The following IQGAP2 variants were observed in gnomAD, a reference collection of about 807,000 sequenced individuals.
IQGAP2 encodes the protein ras GTPase-activating-like protein IQGAP2.
In IQGAP2, 173 loss-of-function variants were observed where a neutral mutation model predicts 201.3. That is an observed-to-expected ratio of 0.86 (90% CI 0.76 to 0.98). The LOEUF (loss-of-function observed/expected upper bound fraction) is 0.98. Among genes scored for constraint, IQGAP2 ranks in the 50% least tolerant of loss-of-function variants. The probability of loss-of-function intolerance (pLI) is 0.00; values close to 1 mark genes in which losing one functional copy is unlikely to be tolerated. For synonymous variants in IQGAP2, 675 were observed against 673.9 expected (o/e 1.00, Z -0.03); for missense variants, 1,687 against 1,864.8 (o/e 0.90, Z 1.76).
chr5:76,570,504 T>C, intron 3 of IQGAP2, 76 bp from the exon 4 acceptor site: 2 of 947,482 alleles, frequency 2.1e-6, no homozygotes, highest in Non-Finnish European at 3.5e-6. Flanking sequence ...ATCCTGTACA[T>C]GAAAAAAGTT....
chr5:76,645,578 A>T lies in IQGAP2; in HGVS notation c.2094+4475A>T, dbSNP rs2059218. 4.4e-3 allele frequency among the ~76,000 whole-genome samples: 674 copies of T among 152,152 alleles called. 25 individuals are homozygous for T. The East Asian group carries it at 0.11, about 25-fold the overall frequency. On this transcript the variant is annotated intron_variant, in intron 17 of 35. Coordinates refer to ENST00000274364, the MANE Select transcript of IQGAP2 (RefSeq NM_006633.5). ...GAGATGGTATCTCATTGTGATTTTG[A>T]TTTGTATTTCTCTGATGACCAGTGA...
chr5:76,441,450 G>A (rs753637644), intron 1 of IQGAP2: 24 of 974,238 alleles, frequency 2.5e-5, no homozygotes, highest in African/African-American at 1.1e-4. Context: ...TCTAAGTCAC[G>A]GGATATGAGA....
chr5:76,504,410 C>T (rs1221267434), intron 2 of IQGAP2, among the ~76,000 whole-genome samples: 1 of 152,160 alleles, frequency 6.6e-6, no homozygotes, highest in African/African-American at 2.4e-5. Context: ...TACTATTTTA[C>T]TGCCACTCTC....
chr5:76,513,485 A>C (rs1330631917), intron 2 of IQGAP2, among the ~76,000 whole-genome samples: 4 of 152,242 alleles, frequency 2.6e-5, no homozygotes, highest in African/African-American at 9.6e-5. Context: ...AGAATTCCTT[A>C]TAAAACACAC....
intron 1 of IQGAP2, among the ~76,000 whole-genome samples, chr5:76,450,646 G>A (rs868547877): frequency 5.3e-5 from 8 of 152,248 alleles, no homozygotes; most frequent in Middle Eastern, 3.4e-3. Flanking sequence ...AGCATGTTTG[G>A]TTCAAGTCTT....
intron 17 of IQGAP2, among the ~76,000 whole-genome samples, chr5:76,642,063 A>G (rs1751631300): frequency 6.6e-6 from 1 of 152,240 alleles, no homozygotes; most frequent in African/African-American, 2.4e-5. Flanking sequence ...TTTCTACTAT[A>G]AATCTGACAC....
At chr5:76,407,336 T>C (rs1750853968) in intron 1 of IQGAP2, among the ~76,000 whole-genome samples, 1 of 152,180 alleles carries the variant, frequency 6.6e-6, no homozygotes, top group Non-Finnish European at 1.5e-5. Context: ...GTTAGTTACC[T>C]GGAAACTGGA....
chr5:76,683,740 G>T (rs758565710), intron 29 of IQGAP2, 36 bp from the exon 30 acceptor site: 1 of 1,584,194 alleles, frequency 6.3e-7, no homozygotes, highest in Non-Finnish European at 8.6e-7. Flanking sequence ...CACAAAGAGT[G>T]AATTGGAAAA....
chr5:76,618,206 C>T (rs901964919), intron 13 of IQGAP2: 7 of 1,613,966 alleles, frequency 4.3e-6, no homozygotes, highest in Non-Finnish European at 5.1e-6. Context: ...CTGTGGTGGC[C>T]CGGCACAGGA....
intron 2 of IQGAP2, among the ~76,000 whole-genome samples, chr5:76,558,033 G>A (rs1056053385): frequency 6.6e-6 from 1 of 152,132 alleles, no homozygotes; most frequent in Non-Finnish European, 1.5e-5. Flanking sequence ...TTCAACTCCT[G>A]ACCTCAAGTG....
At chr5:76,654,179 C>T (rs773301708) in intron 18 of IQGAP2, 21 bp from the exon 19 acceptor site, 1 of 1,560,112 alleles carries the variant, frequency 6.4e-7, no homozygotes, top group Non-Finnish European at 8.8e-7. Context: ...TTGTACTTTT[C>T]TATTTTTTAA....
intron 3 of IQGAP2, among the ~76,000 whole-genome samples, chr5:76,566,158 A>G (rs1744734098): frequency 6.6e-6 from 1 of 152,146 alleles, no homozygotes; most frequent in African/African-American, 2.4e-5. Flanking sequence ...CACTAATGGC[A>G]GAATAGTGAG....
chr5:76,453,827 A>G (rs1370567249), intron 1 of IQGAP2, among the ~76,000 whole-genome samples: 1 of 152,226 alleles, frequency 6.6e-6, no homozygotes, highest in Non-Finnish European at 1.5e-5. Flanking sequence ...TTAAAGCATA[A>G]AAGGTTCATA....
At chr5:76,652,710 C>T (rs757437035) in intron 17 of IQGAP2, 40 bp from the exon 18 acceptor site, 1 of 1,410,232 alleles carries the variant, frequency 7.1e-7, no homozygotes, top group South Asian at 1.2e-5. Context: ...AATTGGGAAA[C>T]TTGCTGGTAA....
intron 5 of IQGAP2, among the ~76,000 whole-genome samples, chr5:76,579,440 TAA>T (rs56658667): frequency 5.1e-4 from 71 of 138,790 alleles, no homozygotes; most frequent in South Asian, 9.2e-4. Flanking sequence ...TTTCTTTGTT[TAA>T]AAAAAAAAAA....
At position 76,695,676 on chromosome 5, in the gene IQGAP2, A is replaced by G. The variant is rs770162730; in HGVS notation, c.4206+10A>G. ...CAATGAGATTGCCAAGGTTTTTGGA[A>G]ACAGTATTCTTTCTTCCTTCACTTA... On this transcript the variant is annotated intron_variant, in intron 32 of 35. Transcript: ENST00000274364. 9 of 1,606,546 alleles carry G rather than the reference A, an allele frequency of 5.6e-6. No individual in the cohort carries two copies. The highest frequency in any genetic ancestry group is 6.8e-6 in the Non-Finnish European group (8 of 1,173,444).
chr5:76,567,282 G>A (rs780680602), intron 3 of IQGAP2, among the ~76,000 whole-genome samples: 5 of 152,126 alleles, frequency 3.3e-5, no homozygotes, highest in South Asian at 2.1e-4. Context: ...TTTGAAGACC[G>A]ACATGACACT....
intron 2 of IQGAP2, among the ~76,000 whole-genome samples, chr5:76,500,305 A>C (rs1240865686): frequency 6.6e-6 from 1 of 152,194 alleles, no homozygotes; most frequent in African/African-American, 2.4e-5. Flanking sequence ...AGAGGTAGGG[A>C]CCTAAGAAAC....
At chr5:76,604,028 T>A (rs1747616645) in intron 11 of IQGAP2, among the ~76,000 whole-genome samples, 1 of 152,162 alleles carries the variant, frequency 6.6e-6, no homozygotes, top group South Asian at 2.1e-4. Flanking sequence ...GTGCAGAACA[T>A]GCAGGTTTGT....
Sources: allele counts gnomAD v4.1 joint callset (sites outside exome capture counted in the v4.1 genomes callset), GRCh38; gene constraint gnomAD v4.1.1; transcripts MANE v1.5; gene names NCBI Gene and HGNC (gene_info 2026-07-23, HGNC 2026-07-21).